Variants in EFCAB5 observed in about 807,000 individuals in gnomAD.
EFCAB5 encodes EF-hand calcium-binding domain-containing protein 5.
In EFCAB5, 131 loss-of-function variants were observed where a neutral mutation model predicts 167.9. That is an observed-to-expected ratio of 0.78 (90% CI 0.68 to 0.90). The LOEUF (loss-of-function observed/expected upper bound fraction) is 0.90, where lower values mean the gene tolerates loss of function less well. EFCAB5 is among the 40% of genes least tolerant of loss of function. The pLI is 0.00. For missense variants in EFCAB5, 1,663 were observed against 1,745.2 expected (o/e 0.95, Z 0.84); for synonymous variants, 574 against 602.8 (o/e 0.95, Z 0.70).
chr17:29,938,870 G>T (rs113486994), upstream of EFCAB5, among the ~76,000 whole-genome samples: 6 of 152,186 alleles, frequency 3.9e-5, no homozygotes, highest in South Asian at 2.1e-4. Flanking sequence ...CATCCATGAG[G>T]GTTGGAATCA....
At chr17:29,958,304 C>G (rs1486717097) in intron 3 of EFCAB5, among the ~76,000 whole-genome samples, 3 of 152,216 alleles carry the variant, frequency 2.0e-5, no homozygotes, top group Admixed American at 2.0e-4. Flanking sequence ...AGTCTATTTT[C>G]TAGATACTGC....
At chr17:29,969,542 CAAAAT>C in intron 4 of EFCAB5, among the ~76,000 whole-genome samples, 175 bp downstream of exon 4, 1 of 152,048 alleles carries the variant, frequency 6.6e-6, no homozygotes, top group Non-Finnish European at 1.5e-5. Context: ...TGAAGACTAA[CAAAAT>C]AAATAAGTTC....
At chr17:30,062,183 C>A (rs920179688) in intron 14 of EFCAB5, among the ~76,000 whole-genome samples, 1 of 152,136 alleles carries the variant, frequency 6.6e-6, no homozygotes. Flanking sequence ...GCTCTTAGGG[C>A]CTGTTTCCCT....
At chr17:30,086,600 A>AAATT (rs2071092680) in intron 18 of EFCAB5, among the ~76,000 whole-genome samples, 2 of 151,510 alleles carry the variant, frequency 1.3e-5, no homozygotes, top group Non-Finnish European at 3.0e-5. Flanking sequence ...ACAAAAAAAA[A>AAATT]AATTAGCCGG....
chr17:29,967,008 G>A (rs1210122253), intron 3 of EFCAB5, among the ~76,000 whole-genome samples: 1 of 152,112 alleles, frequency 6.6e-6, no homozygotes, highest in South Asian at 2.1e-4. Context: ...TAGAAACCAA[G>A]ATGTGAGCAC....
At position 30,053,425 on chromosome 17, in the gene EFCAB5, C is replaced by G. The variant is rs563334720; in HGVS notation, c.1471C>G (p.Pro491Ala). The change falls in exon 10 of 23, where the codon CCT (proline) becomes GCT (alanine). Residue 491 changes from proline to alanine, a missense_variant. By Grantham distance (27) the Pro-to-Ala change is conservative. Transcript: ENST00000394835. ...TAAATTATTAGAAAGTCCAGATCAACCTAAACTTAACGAACAGAGAACATC... is the reference window on the plus strand; with the variant it reads ...TAAATTATTAGAAAGTCCAGATCAAGCTAAACTTAACGAACAGAGAACATC... ...QSKLLESPDQ[P>A]KLNEQRTSTP... 1.9e-6 allele frequency: 3 copies of G among 1,613,964 alleles called. No homozygotes were observed. The South Asian group carries it at 3.3e-5, about 18-fold the overall frequency.
At chr17:30,081,915 A>G (rs1218670756) in intron 17 of EFCAB5, among the ~76,000 whole-genome samples, 1 of 152,152 alleles carries the variant, frequency 6.6e-6, no homozygotes, top group East Asian at 1.9e-4. Flanking sequence ...ATACATTGGC[A>G]CTCTAGCCCT....
chr17:30,082,390 C>CTTTT lies in EFCAB5; in HGVS notation c.3427-482_3427-479dup, dbSNP rs71138871. Among the ~76,000 whole-genome samples the CTTTT allele has an allele frequency of 7.2e-3, 705 of 98,168 alleles. 1 individual carries two copies. The highest frequency in any genetic ancestry group is 9.7e-3 in the African/African-American group (238 of 24,418). 64.4% of individuals were successfully genotyped at this position (98,168 alleles called of 152,430 possible). A position where few individuals can be genotyped will look rare whatever the true frequency, so the allele number is the denominator to read the frequency against. The stretch of plus-strand genomic sequence containing the variant: ...TATGTGGGTCTCTCTCTTTATACCT[C>CTTTT]TTTTTTTTTTTTTTTTTTTTTTGTG... On this transcript the variant is annotated intron_variant, in intron 17 of 22. Transcript: ENST00000394835.
chr17:30,063,667 C>T (rs112222510), intron 14 of EFCAB5, among the ~76,000 whole-genome samples: 10 of 152,260 alleles, frequency 6.6e-5, no homozygotes, highest in South Asian at 2.1e-4. Context: ...GACCCTAACC[C>T]GACACCTGCC....
At chr17:30,099,498 T>C (rs991094064) in intron 22 of EFCAB5, among the ~76,000 whole-genome samples, 1 of 152,220 alleles carries the variant, frequency 6.6e-6, no homozygotes, top group Admixed American at 6.5e-5. Flanking sequence ...GACCTTTCTT[T>C]GTTTTATATC....
chr17:29,993,984 G>C (rs1018120793), intron 5 of EFCAB5, among the ~76,000 whole-genome samples: 1 of 150,796 alleles, frequency 6.6e-6, no homozygotes, highest in South Asian at 2.1e-4. Flanking sequence ...CCAGGCTGTG[G>C]TTCCAGCTTC....
chr17:30,032,552 A>G (rs1277192484), intron 7 of EFCAB5, among the ~76,000 whole-genome samples: 2 of 152,192 alleles, frequency 1.3e-5, no homozygotes, highest in Non-Finnish European at 2.9e-5. Flanking sequence ...GAGAAAGGAA[A>G]CATTATTCAA....
Position 29,999,916 on chromosome 17 carries a change from C to G in EFCAB5, c.984C>G (p.Cys328Trp). 1 of 1,582,666 alleles carries G rather than the reference C, an allele frequency of 6.3e-7. No homozygotes were observed. The highest frequency in any genetic ancestry group is 8.6e-7 in the Non-Finnish European group (1 of 1,162,712). Residue 328 changes from cysteine to tryptophan, a missense_variant, in exon 7 of 23, where the codon TGC becomes TGG. Coordinates refer to ENST00000394835, the MANE Select transcript of EFCAB5 (RefSeq NM_198529.4). ...QNPDFKLGSHCKQLDITDSTE... is the reference protein window; with the variant it reads ...QNPDFKLGSHWKQLDITDSTE... ...TCATTCCATAAATAGGATCACACTG[C>G]AAACAACTGGATATTACTGACTCAA...
intron 22 of EFCAB5, among the ~76,000 whole-genome samples, chr17:30,098,066 C>G (rs1278377614): frequency 6.6e-6 from 1 of 152,076 alleles, no homozygotes; most frequent in African/African-American, 2.4e-5. Flanking sequence ...TTCCAAGTAG[C>G]TGGGACTATA....
chr17:29,989,533 G>T, intron 4 of EFCAB5, among the ~76,000 whole-genome samples: 1 of 152,194 alleles, frequency 6.6e-6, no homozygotes, highest in East Asian at 1.9e-4. Context: ...TAAAGACACA[G>T]TCTTTTAAGT....
At chr17:29,993,442 T>A in intron 5 of EFCAB5, 121 bp downstream of exon 5, 1 of 916,866 alleles carries the variant, frequency 1.1e-6, no homozygotes, top group South Asian at 3.1e-5. Flanking sequence ...CTGAGGTAAG[T>A]CTTGACCTGT....
intron 8 of EFCAB5, among the ~76,000 whole-genome samples, chr17:30,042,566 A>C (rs1369749879): frequency 6.6e-6 from 1 of 152,214 alleles, no homozygotes; most frequent in Non-Finnish European, 1.5e-5. Flanking sequence ...CTTAAAAGAC[A>C]CAAATTACCA....
chr17:30,097,779 T>C lies in EFCAB5; in HGVS notation c.4321+4843T>C, dbSNP rs1220104163. ...TCCTGAAGTAAATAATTGTCTTTTA[T>C]TTTTAAACTTTCTTAGTTTTATTTG... On this transcript the variant is annotated intron_variant, in intron 22 of 22. Transcript: ENST00000394835. Among the ~76,000 whole-genome samples, 4 of 152,234 alleles carry C rather than the reference T, an allele frequency of 2.6e-5. No homozygotes were observed. The East Asian group carries it at 7.7e-4, about 29-fold the overall frequency.
intron 7 of EFCAB5, among the ~76,000 whole-genome samples, chr17:30,014,371 C>A (rs1000340445): frequency 6.6e-6 from 1 of 152,054 alleles, no homozygotes; most frequent in African/African-American, 2.4e-5. Flanking sequence ...TAACCTGTCT[C>A]GTTGATCTGT....
Sources: gnomAD v4.1 joint callset for allele counts (sites outside exome capture counted in the v4.1 genomes callset) on GRCh38, gnomAD v4.1.1 for gene constraint, MANE v1.5 for transcripts, NCBI Gene and HGNC (gene_info 2026-07-23, HGNC 2026-07-21) for gene names.